The following ATP8A2 variants were observed in gnomAD, a reference collection of about 807,000 sequenced individuals.
ATP8A2 encodes the protein ATPase phospholipid transporting 8A2.
A neutral mutation model predicts 165.6 loss-of-function variants in ATP8A2; 100 were observed. That is an observed-to-expected ratio of 0.60 (90% CI 0.51 to 0.71). The LOEUF (loss-of-function observed/expected upper bound fraction) is 0.71, where lower values mean the gene tolerates loss of function less well. Among genes scored for constraint, ATP8A2 ranks in the 30% least tolerant of loss-of-function variants. The pLI is 0.00. For synonymous variants in ATP8A2, 543 were observed against 548.8 expected, an observed-to-expected ratio of 0.99 and a Z score of 0.15; for missense variants, 1,227 against 1,479.5, an observed-to-expected ratio of 0.83 and a Z score of 2.80.
intron 27 of ATP8A2, among the ~76,000 whole-genome samples, chr13:25,798,751 A>G (rs992152632): frequency 1.3e-5 from 2 of 152,204 alleles, no homozygotes; most frequent in African/African-American, 4.8e-5. Flanking sequence ...CTTCAGAGTC[A>G]TAATTATAAA....
intron 7 of ATP8A2, among the ~76,000 whole-genome samples, 155 bp from the exon 8 acceptor site, chr13:25,540,164 C>G (rs1229800343): frequency 2.6e-5 from 4 of 152,164 alleles, no homozygotes; most frequent in South Asian, 2.1e-4. Flanking sequence ...TGTGTGTTTC[C>G]TTTTTCATCC....
intron 35 of ATP8A2, among the ~76,000 whole-genome samples, chr13:25,985,031 C>T (rs753340887): frequency 6.6e-6 from 1 of 152,212 alleles, no homozygotes. Context: ...GTTTAACAAC[C>T]GCCTTACACG....
intron 27 of ATP8A2, among the ~76,000 whole-genome samples, chr13:25,814,410 C>T (rs1479314724): frequency 6.6e-6 from 1 of 151,932 alleles, no homozygotes; most frequent in Non-Finnish European, 1.5e-5. Flanking sequence ...TATGGAAGCC[C>T]AGTGGATCCC....
intron 25 of ATP8A2, among the ~76,000 whole-genome samples, chr13:25,704,443 G>A (rs4770862): frequency 0.28 from 42,419 of 151,472 alleles, 7,637 homozygotes; most frequent in Middle Eastern, 0.4. Context: ...GGGTTCAAGC[G>A]ATCTTCCTGT....
At chr13:25,664,905 A>G (rs1251135402) in intron 24 of ATP8A2, among the ~76,000 whole-genome samples, 1 of 151,628 alleles carries the variant, frequency 6.6e-6, no homozygotes, top group Non-Finnish European at 1.5e-5. Context: ...GACATTTAAG[A>G]CAAAATGAAA....
intron 1 of ATP8A2, among the ~76,000 whole-genome samples, chr13:25,419,952 G>A (rs188012604): frequency 6.6e-6 from 1 of 152,284 alleles, no homozygotes; most frequent in African/African-American, 2.4e-5. Flanking sequence ...GAAAGGAACA[G>A]AGAATTGAGG....
intron 35 of ATP8A2, among the ~76,000 whole-genome samples, chr13:25,978,929 GACT>G (rs1023422275): frequency 2.6e-5 from 4 of 151,824 alleles, no homozygotes; most frequent in Non-Finnish European, 5.9e-5. Flanking sequence ...GACAGAGCGA[GACT>G]ACGGCTCAAA....
chr13:25,784,290 G>A lies in ATP8A2; in HGVS notation c.2679+9331G>A, dbSNP rs367868234. 5.3e-4 allele frequency among the ~76,000 whole-genome samples: 81 copies of A among 152,278 alleles called. 1 individual carries two copies. In the South Asian group the frequency reaches 0.015, roughly 27 times the overall value. On this transcript the variant is annotated intron_variant, in intron 27 of 36. Coordinates refer to ENST00000381655, the MANE Select transcript of ATP8A2 (RefSeq NM_016529.6). ...CATGCAAAGAACTTCCAGGGCTCAC[G>A]TGAACTTTGAGAGGTCAGCCCTGTG... is the stretch of plus-strand genomic sequence containing the variant.
At position 25,469,095 on chromosome 13, in the gene ATP8A2, C is replaced by T. The variant is rs2137521282; in HGVS notation, c.195C>T (p.Leu65=). The change falls in exon 2 of 37, where the codon CTC becomes CTT. Residue 65 remains leucine (L), a synonymous_variant. Transcript: ENST00000381655. The part of the protein sequence containing the change: ...ARTIYLNQPH[L]NKFRDNQIST... ...CCATTTACCTCAACCAACCGCATCT[C>T]AACAAATTCCGCGACAACCAGATCA... 6.2e-7 allele frequency: 1 copy of T among 1,614,056 alleles called. No homozygotes were observed. The highest frequency in any genetic ancestry group is 2.2e-5 in the East Asian group (1 of 44,856).
At chr13:25,774,307 G>T (rs2044691815) in intron 26 of ATP8A2, among the ~76,000 whole-genome samples, 1 of 152,066 alleles carries the variant, frequency 6.6e-6, no homozygotes, top group Admixed American at 6.6e-5. Context: ...ACTAACACAG[G>T]AACAGAAAAC....
chr13:25,676,728 T>A (rs61947310), intron 24 of ATP8A2, among the ~76,000 whole-genome samples: 2 of 152,202 alleles, frequency 1.3e-5, no homozygotes, highest in African/African-American at 4.8e-5. Flanking sequence ...TTTTTGTGTT[T>A]GACTTGATGA....
At chr13:25,939,525 G>C (rs895253901) in intron 33 of ATP8A2, among the ~76,000 whole-genome samples, 1 of 152,084 alleles carries the variant, frequency 6.6e-6, no homozygotes, top group South Asian at 2.1e-4. Flanking sequence ...ACAGCAATGC[G>C]GTGGTTTGCC....
intron 1 of ATP8A2, among the ~76,000 whole-genome samples, chr13:25,412,843 T>A (rs2034011211): frequency 1.3e-5 from 2 of 152,224 alleles, no homozygotes; most frequent in South Asian, 2.1e-4. Context: ...TGGGGGGGGA[T>A]GGAGTCTTGC....
At chr13:25,430,030 T>C (rs924889613) in intron 1 of ATP8A2, among the ~76,000 whole-genome samples, 2 of 152,198 alleles carry the variant, frequency 1.3e-5, no homozygotes, top group South Asian at 2.1e-4. Flanking sequence ...AAATCAGTCA[T>C]GGCTCTGATG....
intron 1 of ATP8A2, among the ~76,000 whole-genome samples, chr13:25,447,809 G>A (rs1183594383): frequency 6.6e-6 from 1 of 152,204 alleles, no homozygotes; most frequent in Non-Finnish European, 1.5e-5. Context: ...CTGAGCAGTG[G>A]AAGTGGCTTT....
At chr13:25,448,308 G>A (rs1380688799) in intron 1 of ATP8A2, among the ~76,000 whole-genome samples, 1 of 152,190 alleles carries the variant, frequency 6.6e-6, no homozygotes, top group African/African-American at 2.4e-5. Context: ...GAACATTTCA[G>A]AGGGAAACTT....
intron 1 of ATP8A2, among the ~76,000 whole-genome samples, chr13:25,459,115 C>T (rs572317865): frequency 2.3e-4 from 35 of 152,282 alleles, no homozygotes; most frequent in African/African-American, 8.2e-4. Flanking sequence ...CCCATGCCCC[C>T]ATCTCTACCC....
chr13:25,500,234 T>C (rs1447329878), intron 2 of ATP8A2, among the ~76,000 whole-genome samples: 1 of 152,122 alleles, frequency 6.6e-6, no homozygotes, highest in Non-Finnish European at 1.5e-5. Flanking sequence ...GCCACACAAG[T>C]TATTAGAAAC....
At position 25,917,100 on chromosome 13, in the gene ATP8A2, C is replaced by G. The variant is rs182714070; in HGVS notation, c.3184-44475C>G. On this transcript the variant is annotated intron_variant, in intron 33 of 36. Transcript: ENST00000381655. Reference sequence around the variant, plus strand: ...TGTACACAACTCAGAAGGATTGACTCTAGCCGCCCATGCCTGGTAGTAACC... The same window carrying G: ...TGTACACAACTCAGAAGGATTGACTGTAGCCGCCCATGCCTGGTAGTAACC... Among the ~76,000 whole-genome samples, 43 of 152,308 alleles carry G rather than the reference C, an allele frequency of 2.8e-4. No individual in the cohort carries two copies. The East Asian group carries it at 6.0e-3, about 21-fold the overall frequency.
Sources: gnomAD v4.1 joint callset for allele counts (sites outside exome capture counted in the v4.1 genomes callset) on GRCh38, gnomAD v4.1.1 for gene constraint, MANE v1.5 for transcripts, NCBI Gene and HGNC (gene_info 2026-07-23, HGNC 2026-07-21) for gene names.